Variants in TENM2 observed in about 807,000 individuals in gnomAD.
The protein encoded by TENM2 is teneurin-2.
TENM2 carries 52 observed loss-of-function variants against 245.2 expected under a neutral mutation model. The observed-to-expected ratio is 0.21, with a 90% CI of 0.17 to 0.27. The LOEUF (loss-of-function observed/expected upper bound fraction) is 0.27, where lower values mean the gene tolerates loss of function less well. TENM2 is among the 10% of genes least tolerant of loss of function. The pLI, the probability that TENM2 is intolerant of heterozygous loss-of-function variation, is 1.00. For synonymous variants in TENM2, 1,363 were observed against 1,438.9 expected, an observed-to-expected ratio of 0.95 and a Z score of 1.19; for missense variants, 3,046 against 3,666.8, an observed-to-expected ratio of 0.83 and a Z score of 4.37.
At chr5:167,760,859 C>G (rs1312224435) in intron 2 of TENM2, among the ~76,000 whole-genome samples, 1 of 152,146 alleles carries the variant, frequency 6.6e-6, no homozygotes, top group African/African-American at 2.4e-5. Flanking sequence ...CCATGTTAGT[C>G]AGGCTGGTCT....
chr5:168,240,484 T>G (rs1765983857), intron 25 of TENM2, among the ~76,000 whole-genome samples: 1 of 152,152 alleles, frequency 6.6e-6, no homozygotes, highest in South Asian at 2.1e-4. Context: ...CCCATCTATA[T>G]CTTGTGTGCA....
At chr5:167,546,285 T>G (rs556826385) in intron 2 of TENM2, among the ~76,000 whole-genome samples, 1 of 152,298 alleles carries the variant, frequency 6.6e-6, no homozygotes, top group South Asian at 2.1e-4. Context: ...TCTTCTTTTT[T>G]TGTTTGTTTT....
intron 3 of TENM2, among the ~76,000 whole-genome samples, chr5:167,889,916 A>G (rs1486421991): frequency 1.3e-5 from 2 of 152,198 alleles, no homozygotes; most frequent in Non-Finnish European, 2.9e-5. Context: ...ATATTACACT[A>G]GGCAGACTTG....
intron 12 of TENM2, among the ~76,000 whole-genome samples, chr5:168,156,243 T>C (rs946496608): frequency 8.4e-5 from 1 of 11,920 alleles, no homozygotes; most frequent in South Asian, 2.2e-3. Flanking sequence ...GTTTTCCCCA[T>C]AGTTAAAAAA....
chr5:167,900,057 C>T (rs1775562098), intron 3 of TENM2, among the ~76,000 whole-genome samples: 1 of 131,858 alleles, frequency 7.6e-6, no homozygotes, highest in South Asian at 2.5e-4. Context: ...ACCTGAAATG[C>T]TTAGATCTCA....
chr5:167,848,047 T>G (rs994734974), intron 2 of TENM2, among the ~76,000 whole-genome samples: 4 of 152,260 alleles, frequency 2.6e-5, no homozygotes, highest in South Asian at 2.1e-4. Context: ...ACAGATAAGA[T>G]GACCGTTTCT....
chr5:168,232,832 C>T (rs1334050520), intron 25 of TENM2, among the ~76,000 whole-genome samples: 3 of 152,154 alleles, frequency 2.0e-5, no homozygotes, highest in Admixed American at 1.3e-4. Flanking sequence ...AAGATGATGG[C>T]GGATGGATAG....
chr5:167,656,301 C>G (rs944953362), intron 2 of TENM2, among the ~76,000 whole-genome samples: 1 of 152,112 alleles, frequency 6.6e-6, no homozygotes, highest in Non-Finnish European at 1.5e-5. Context: ...TAGCATGTCT[C>G]CTGAGCACAT....
At chr5:167,366,071 A>C (rs567173105) in intron 1 of TENM2, among the ~76,000 whole-genome samples, 74 of 145,642 alleles carry the variant, frequency 5.1e-4, no homozygotes, top group African/African-American at 1.1e-3. Context: ...CAGTAGGTAG[A>C]GTCAGAAAAA....
the TENM2 span, among the ~76,000 whole-genome samples, chr5:167,095,861 C>T: frequency 6.6e-6 from 1 of 151,134 alleles, no homozygotes; most frequent in Non-Finnish European, 1.5e-5. Context: ...ACCTTCGCCT[C>T]CTGGGTTCAA....
intron 1 of TENM2, among the ~76,000 whole-genome samples, chr5:167,333,502 G>A (rs1163632951): frequency 6.6e-6 from 1 of 152,172 alleles, no homozygotes; most frequent in African/African-American, 2.4e-5. Flanking sequence ...AGTGAGCCAT[G>A]TTCTTCCAAA....
intron 13 of TENM2, among the ~76,000 whole-genome samples, chr5:168,178,269 C>T (rs749864069): frequency 5.3e-5 from 8 of 152,194 alleles, no homozygotes; most frequent in East Asian, 1.9e-4. Flanking sequence ...CACTGGCCGT[C>T]GGCTCAGTTC....
At chr5:167,083,203 A>G in the TENM2 span, among the ~76,000 whole-genome samples, 1 of 152,196 alleles carries the variant, frequency 6.6e-6, no homozygotes, top group Non-Finnish European at 1.5e-5. Flanking sequence ...ACTCTTCCCT[A>G]AACCATAGCA....
At chr5:167,697,647 C>T (rs1757854545) in intron 2 of TENM2, among the ~76,000 whole-genome samples, 1 of 152,136 alleles carries the variant, frequency 6.6e-6, no homozygotes, top group Non-Finnish European at 1.5e-5. Flanking sequence ...GCCTCAGCCT[C>T]CCTACTAGCT....
chr5:167,615,002 G>A (rs766731053), intron 2 of TENM2, among the ~76,000 whole-genome samples: 3 of 152,066 alleles, frequency 2.0e-5, no homozygotes, highest in Non-Finnish European at 4.4e-5. Context: ...TGGGGGTTTG[G>A]CATTCTTCAT....
rs140463987 is a variant in TENM2, at chr5:168,161,233, C to G, written c.2423-1378C>G. On this transcript the variant is annotated intron_variant, in intron 12 of 28. Transcript: ENST00000518659. Reference sequence around the variant, plus strand: ...CTCCATCATTACAAAGCTTTTTATCCTCTGCCATGGCCCAATCCAGCCTGC... The same window carrying G: ...CTCCATCATTACAAAGCTTTTTATCGTCTGCCATGGCCCAATCCAGCCTGC... 1.6e-4 allele frequency among the ~76,000 whole-genome samples: 25 copies of G among 152,238 alleles called. 1 individual carries two copies. In the East Asian group the frequency reaches 2.9e-3, roughly 18 times the overall value.
chr5:167,193,868 G>A, the TENM2 span, among the ~76,000 whole-genome samples: 3 of 152,012 alleles, frequency 2.0e-5, no homozygotes, highest in Admixed American at 6.6e-5. Context: ...GACAGAAATT[G>A]TGCAATGTGC....
the TENM2 span, among the ~76,000 whole-genome samples, chr5:166,991,851 T>A: frequency 1.3e-5 from 2 of 152,006 alleles, no homozygotes; most frequent in African/African-American, 4.8e-5. Context: ...TATTAGTAAG[T>A]CTTGTCTTTT....
At chr5:168,004,798 G>A (rs1278149232) in intron 5 of TENM2, among the ~76,000 whole-genome samples, 1 of 151,764 alleles carries the variant, frequency 6.6e-6, no homozygotes, top group East Asian at 1.9e-4. Flanking sequence ...CGCCTTGGGG[G>A]AAATCCAGAT....
Sources: gnomAD v4.1 joint callset for allele counts (sites outside exome capture counted in the v4.1 genomes callset) on GRCh38, gnomAD v4.1.1 for gene constraint, MANE v1.5 for transcripts, NCBI Gene and HGNC (gene_info 2026-07-23, HGNC 2026-07-21) for gene names.